The following CFAP299 variants were observed in gnomAD, a reference collection of about 807,000 sequenced individuals.
The protein encoded by CFAP299 is cilia and flagella associated protein 299, also known as cilia- and flagella-associated protein 299.
In CFAP299, 21 loss-of-function variants were observed where a neutral mutation model predicts 27.0. The ratio of observed to expected loss-of-function variants is 0.78; its 90% CI spans 0.55 to 1.12. The LOEUF (loss-of-function observed/expected upper bound fraction) is 1.12. CFAP299 is among the 50% of genes most tolerant of loss of function. CFAP299 has a pLI of 0.00. For synonymous variants in CFAP299, 104 were observed against 98.1 expected (o/e 1.06, Z -0.36); for missense variants, 310 against 276.6 (o/e 1.12, Z -0.86).
intron 3 of CFAP299, among the ~76,000 whole-genome samples, chr4:80,634,233 C>T (rs540329627): frequency 3.5e-4 from 53 of 152,184 alleles, no homozygotes; most frequent in African/African-American, 1.1e-3. Context: ...CTGCCCGCCT[C>T]GGCCTCCCAA....
intron 4 of CFAP299, among the ~76,000 whole-genome samples, chr4:80,925,801 T>G (rs1736277391): frequency 6.6e-6 from 1 of 152,086 alleles, no homozygotes; most frequent in African/African-American, 2.4e-5. Flanking sequence ...TTTATTATAA[T>G]TAGAATAATT....
At chr4:80,610,309 C>T (rs1737900687) in intron 3 of CFAP299, among the ~76,000 whole-genome samples, 1 of 152,078 alleles carries the variant, frequency 6.6e-6, no homozygotes, top group South Asian at 2.1e-4. Context: ...CCCAGCAGCA[C>T]TTCCAGTGTC....
At chr4:80,340,007 A>T (rs1271795242) in intron 1 of CFAP299, among the ~76,000 whole-genome samples, 1 of 152,228 alleles carries the variant, frequency 6.6e-6, no homozygotes, top group Non-Finnish European at 1.5e-5. Flanking sequence ...TTGTCTTCCC[A>T]TTATTTATAA....
At position 80,806,649 on chromosome 4, in the gene CFAP299, C is replaced by T. The variant is rs531190873; in HGVS notation, c.334-63344C>T. ...CATTCCTATTATTGCAAAATGTCAA[C>T]ACAAACAACAGAAAGTGGAACAATT... On this transcript the variant is annotated intron_variant, in intron 3 of 5. Transcript: ENST00000358105. 3.3e-5 allele frequency among the ~76,000 whole-genome samples: 5 copies of T among 152,232 alleles called. No individual in the cohort carries two copies. The South Asian group carries it at 8.3e-4, about 25-fold the overall frequency.
intron 2 of CFAP299, among the ~76,000 whole-genome samples, chr4:80,451,916 T>G (rs759246837): frequency 6.6e-6 from 1 of 152,210 alleles, no homozygotes; most frequent in Non-Finnish European, 1.5e-5. Flanking sequence ...TGACTTTCAC[T>G]AGGTCCTATA....
At chr4:80,432,656 C>G (rs547650071) in intron 2 of CFAP299, among the ~76,000 whole-genome samples, 3 of 151,630 alleles carry the variant, frequency 2.0e-5, no homozygotes, top group African/African-American at 7.3e-5. Context: ...CCTCAGCCTC[C>G]AGAGTAGCTG....
intron 4 of CFAP299, among the ~76,000 whole-genome samples, chr4:80,911,010 C>A (rs560918458): frequency 2.0e-5 from 3 of 151,926 alleles, no homozygotes; most frequent in Non-Finnish European, 4.4e-5. Flanking sequence ...TTTTTCTAAT[C>A]TTTGGCTCTC....
At chr4:80,704,126 C>T (rs891988004) in intron 3 of CFAP299, among the ~76,000 whole-genome samples, 12 of 151,572 alleles carry the variant, frequency 7.9e-5, no homozygotes, top group Middle Eastern at 3.4e-3. Flanking sequence ...CTGGAGGAGG[C>T]AGCAATACAT....
chr4:80,376,735 A>G (rs570822154), intron 2 of CFAP299, among the ~76,000 whole-genome samples: 1 of 152,136 alleles, frequency 6.6e-6, no homozygotes, highest in African/African-American at 2.4e-5. Flanking sequence ...GCTCACTGCA[A>G]CCTCTGCTTC....
At chr4:80,952,166 T>C (rs1047577816) in intron 5 of CFAP299, among the ~76,000 whole-genome samples, 2 of 152,198 alleles carry the variant, frequency 1.3e-5, no homozygotes, top group African/African-American at 4.8e-5. Flanking sequence ...TCTGGACATT[T>C]TGCCGTTGTA....
chr4:80,492,862 G>A (rs1051024297), intron 2 of CFAP299, among the ~76,000 whole-genome samples: 1 of 152,194 alleles, frequency 6.6e-6, no homozygotes, highest in Non-Finnish European at 1.5e-5. Flanking sequence ...GCAGGCCCTG[G>A]GGTGATGGAG....
At chr4:80,717,913 CTG>C (rs1722582884) in intron 3 of CFAP299, among the ~76,000 whole-genome samples, 1 of 152,056 alleles carries the variant, frequency 6.6e-6, no homozygotes, top group Admixed American at 6.6e-5. Context: ...TTATTGGTGA[CTG>C]TAATTTTACA....
intron 3 of CFAP299, among the ~76,000 whole-genome samples, chr4:80,777,615 G>A (rs1726627160): frequency 1.3e-5 from 2 of 152,104 alleles, no homozygotes; most frequent in Non-Finnish European, 2.9e-5. Context: ...TAAAGGAGGA[G>A]GAGGAATTAT....
chr4:80,539,856 A>T (rs1249623552), intron 2 of CFAP299, among the ~76,000 whole-genome samples: 1 of 152,184 alleles, frequency 6.6e-6, no homozygotes, highest in African/African-American at 2.4e-5. Context: ...CTGTAGTGTG[A>T]ATAATCAATG....
intron 2 of CFAP299, among the ~76,000 whole-genome samples, chr4:80,556,859 T>C (rs1214010895): frequency 6.6e-6 from 1 of 152,056 alleles, no homozygotes; most frequent in Non-Finnish European, 1.5e-5. Flanking sequence ...TATCTGTCTC[T>C]TCCCCCTCCA....
intron 3 of CFAP299, among the ~76,000 whole-genome samples, chr4:80,593,600 T>C (rs1409598172): frequency 6.6e-6 from 1 of 152,212 alleles, no homozygotes; most frequent in Non-Finnish European, 1.5e-5. Flanking sequence ...TCTTCTCTTT[T>C]TTTCCTGAGC....
At chr4:80,634,576 C>T (rs1156650679) in intron 3 of CFAP299, among the ~76,000 whole-genome samples, 11 of 152,052 alleles carry the variant, frequency 7.2e-5, no homozygotes, top group African/African-American at 1.9e-4. Context: ...AAACAATTTC[C>T]GCTTAGCTGT....
intron 3 of CFAP299, among the ~76,000 whole-genome samples, chr4:80,766,898 TTATGTG>T (rs1560740795): frequency 6.6e-6 from 1 of 152,202 alleles, no homozygotes; most frequent in African/African-American, 2.4e-5. Context: ...AGTTGTGTAT[TTATGTG>T]TATGTGTATG....
intron 3 of CFAP299, among the ~76,000 whole-genome samples, chr4:80,696,250 A>T (rs1048733152): frequency 6.6e-6 from 1 of 150,806 alleles, no homozygotes; most frequent in Non-Finnish European, 1.5e-5. Context: ...GCAGTGAGCC[A>T]GTCACACCAC....
Sources: gnomAD v4.1 joint callset for allele counts (sites outside exome capture counted in the v4.1 genomes callset) on GRCh38, gnomAD v4.1.1 for gene constraint, MANE v1.5 for transcripts, NCBI Gene and HGNC (gene_info 2026-07-23, HGNC 2026-07-21) for gene names.